The following BMP5 variants were observed in gnomAD, a reference collection of about 807,000 sequenced individuals.
The protein encoded by BMP5 is bone morphogenetic protein 5.
In BMP5, 23 loss-of-function variants were observed where a neutral mutation model predicts 46.6. The observed-to-expected ratio is 0.49, with a 90% confidence interval of 0.35 to 0.70. The LOEUF (loss-of-function observed/expected upper bound fraction) is 0.70. BMP5 is among the 30% of genes least tolerant of loss of function. BMP5 has a pLI of 0.00. For missense variants in BMP5, 545 were observed against 565.6 expected, an observed-to-expected ratio of 0.96 and a Z score of 0.37; for synonymous variants, 204 against 191.9, an observed-to-expected ratio of 1.06 and a Z score of -0.52.
chr6:55,860,305 C>T (rs1359430172), intron 1 of BMP5, among the ~76,000 whole-genome samples: 3 of 151,924 alleles, frequency 2.0e-5, no homozygotes, highest in African/African-American at 4.8e-5. Context: ...ATGTTTTCAA[C>T]GAAATTCATT....
chr6:55,790,653 CAT>C (rs1775554175), intron 3 of BMP5, among the ~76,000 whole-genome samples: 2 of 152,276 alleles, frequency 1.3e-5, no homozygotes, highest in Middle Eastern at 3.4e-3. Context: ...GCCATTTTGA[CAT>C]AGTGTGCATT....
chr6:55,865,363 C>G (rs182552878), intron 1 of BMP5: 214 of 480,190 alleles, frequency 4.5e-4, no homozygotes, highest in African/African-American at 4.0e-3. Context: ...CAGGTAATAT[C>G]TAAAATTAAA....
intron 1 of BMP5, among the ~76,000 whole-genome samples, chr6:55,849,191 G>C (rs1035549810): frequency 6.6e-6 from 1 of 152,000 alleles, no homozygotes; most frequent in Non-Finnish European, 1.5e-5. Context: ...GGCTATAGGA[G>C]TGAAGAAAAG....
intron 2 of BMP5, among the ~76,000 whole-genome samples, chr6:55,813,496 A>G (rs914749130): frequency 2.0e-5 from 3 of 152,050 alleles, no homozygotes; most frequent in African/African-American, 7.2e-5. Flanking sequence ...ATAGTTTTCA[A>G]AAATGTAATT....
chr6:55,852,174 T>C (rs1213523269), intron 1 of BMP5, among the ~76,000 whole-genome samples: 2 of 152,106 alleles, frequency 1.3e-5, no homozygotes, highest in African/African-American at 4.8e-5. Flanking sequence ...TATAAAATAT[T>C]AAAATATTTA....
chr6:55,777,899 T>C (rs533949438), intron 3 of BMP5, among the ~76,000 whole-genome samples: 2 of 152,172 alleles, frequency 1.3e-5, no homozygotes, highest in South Asian at 4.1e-4. Context: ...GTTAACAGAC[T>C]GGCAGAAGTG....
chr6:55,874,625 T>G lies in BMP5; in HGVS notation c.241A>C (p.Met81Leu). The G allele has an allele frequency of 6.2e-7, 1 of 1,613,606 alleles. No individual in the cohort carries two copies. ...GKQASSAPLF[M>L]LDLYNAMTNE... is the part of the protein sequence containing the mutation. ...GTCATGGCATTGTAGAGATCCAGCA[T>G]AAAGAGAGGTGCAGAGGACGCTTGT... The change falls in exon 1 of 7, where the codon ATG becomes CTG. Residue 81 changes from methionine to leucine, a missense_variant. By Grantham distance (15) the Met-to-Leu change is conservative. Coordinates refer to ENST00000370830, the MANE Select transcript of BMP5 (RefSeq NM_021073.4).
chr6:55,795,739 A>C (rs1331695605), intron 2 of BMP5, among the ~76,000 whole-genome samples: 1 of 152,200 alleles, frequency 6.6e-6, no homozygotes, highest in Non-Finnish European at 1.5e-5. Flanking sequence ...AAATAATCTA[A>C]ATATCCTAAT....
At chr6:55,836,649 C>T (rs1206417103) in intron 1 of BMP5, among the ~76,000 whole-genome samples, 1 of 151,658 alleles carries the variant, frequency 6.6e-6, no homozygotes, top group Non-Finnish European at 1.5e-5. Context: ...CACACACACA[C>T]ACACACACAC....
At chr6:55,840,056 C>T (rs759584408) in intron 1 of BMP5, among the ~76,000 whole-genome samples, 8 of 151,912 alleles carry the variant, frequency 5.3e-5, no homozygotes, top group African/African-American at 9.7e-5. Context: ...AATCACAGTT[C>T]GCCTCTTTAT....
rs1175573283 is a variant in BMP5 at position 55,782,931 on chromosome 6, G to A, written c.833-8688C>T. Among the ~76,000 whole-genome samples the A allele has an allele frequency of 2.0e-5, 3 of 152,194 alleles. No homozygotes were observed. In the East Asian group the frequency reaches 5.8e-4, roughly 30 times the overall value. ...CCTTGTCACACTACTAAAGTAGTAT[G>A]CTTTTCCTCTAAGTACACAGTAGTC... On this transcript the variant is annotated intron_variant, in intron 3 of 6. Transcript: ENST00000370830.
At chr6:55,794,133 C>A in intron 3 of BMP5, 146 bp downstream of exon 3, 1 of 799,992 alleles carries the variant, frequency 1.3e-6, no homozygotes, top group Non-Finnish European at 2.0e-6. Context: ...GATTAACTAA[C>A]TAATATAGTT....
chr6:55,796,553 G>A (rs1312533209), intron 2 of BMP5, among the ~76,000 whole-genome samples: 1 of 151,282 alleles, frequency 6.6e-6, no homozygotes, highest in African/African-American at 2.4e-5. Flanking sequence ...ACAATGTGCA[G>A]GTTAGTTACA....
At chr6:55,863,576 A>T (rs1438545790) in intron 1 of BMP5, among the ~76,000 whole-genome samples, 1 of 152,192 alleles carries the variant, frequency 6.6e-6, no homozygotes, top group Non-Finnish European at 1.5e-5. Context: ...TGTTGTTATT[A>T]TTCCTTTAAT....
intron 5 of BMP5, 68 bp from the exon 6 acceptor site, chr6:55,759,183 A>AAAAAAAAAAAAC: frequency 1.4e-6 from 1 of 703,056 alleles, no homozygotes; most frequent in African/African-American, 3.1e-5. Flanking sequence ...AAAAAAAAAA[A>AAAAAAAAAAAAC]CAACAAGAAA....
intron 2 of BMP5, among the ~76,000 whole-genome samples, chr6:55,816,746 G>A (rs988745482): frequency 3.3e-5 from 5 of 152,050 alleles, no homozygotes; most frequent in Non-Finnish European, 7.4e-5. Flanking sequence ...CACACCCAAT[G>A]AATCCATAGC....
chr6:55,837,373 A>AGAT (rs1295671459), intron 1 of BMP5, among the ~76,000 whole-genome samples: 3 of 151,356 alleles, frequency 2.0e-5, no homozygotes, highest in African/African-American at 7.3e-5. Context: ...ATAGATAGAT[A>AGAT]GATAGACAGA....
chr6:55,785,685 A>G (rs1393548366), intron 3 of BMP5, among the ~76,000 whole-genome samples: 2 of 151,696 alleles, frequency 1.3e-5, no homozygotes, highest in Non-Finnish European at 3.0e-5. Flanking sequence ...CATTAAAATG[A>G]CCAACATAGT....
chr6:55,863,903 A>T lies in BMP5; in HGVS notation c.490+10473T>A, dbSNP rs1025217472. Among the ~76,000 whole-genome samples the T allele has an allele frequency of 5.3e-5, 8 of 152,184 alleles. No homozygotes were observed. In the South Asian group the frequency reaches 1.7e-3, roughly 32 times the overall value. ...GCTTTACCATCTAGCTGAGGTGTTT[A>T]GTAGGATATGCCATCTAGGTTTGTG... On this transcript the variant is annotated intron_variant, in intron 1 of 6. Transcript: ENST00000370830.
Sources: gnomAD v4.1 joint callset for allele counts (sites outside exome capture counted in the v4.1 genomes callset) on GRCh38, gnomAD v4.1.1 for gene constraint, MANE v1.5 for transcripts, NCBI Gene and HGNC (gene_info 2026-07-23, HGNC 2026-07-21) for gene names.